Variants in RGS20 observed in about 807,000 individuals in gnomAD.
The protein encoded by RGS20 is gz-selective GTPase-activating protein.
A neutral mutation model predicts 33.6 loss-of-function variants in RGS20; 30 were observed. That is an observed-to-expected ratio of 0.89 (90% confidence interval 0.67 to 1.21). The LOEUF (loss-of-function observed/expected upper bound fraction) is 1.21. Among genes scored for constraint, RGS20 ranks in the 50% most tolerant of loss-of-function variants. RGS20 has a pLI of 0.00. For missense variants in RGS20, 472 were observed against 502.4 expected (o/e 0.94, Z 0.58); for synonymous variants, 208 against 197.9 (o/e 1.05, Z -0.43).
At chr8:53,856,426 C>T (rs1184482952) in intron 1 of RGS20, among the ~76,000 whole-genome samples, 1 of 152,090 alleles carries the variant, frequency 6.6e-6, no homozygotes, top group Non-Finnish European at 1.5e-5. Flanking sequence ...ACCATGTTGA[C>T]TGGGCTGGTC....
At chr8:53,853,043 C>T (rs886163406) in intron 1 of RGS20, among the ~76,000 whole-genome samples, 5 of 152,176 alleles carry the variant, frequency 3.3e-5, no homozygotes, top group African/African-American at 9.6e-5. Context: ...AATTCCCACA[C>T]CGCCTATTAT....
chr8:53,875,976 A>G (rs530809860), intron 1 of RGS20, among the ~76,000 whole-genome samples: 12 of 152,224 alleles, frequency 7.9e-5, no homozygotes, highest in Non-Finnish European at 1.3e-4. Context: ...CAATGCAGGG[A>G]AAGATTTGCC....
At chr8:53,872,027 T>G (rs1812084880) in intron 1 of RGS20, among the ~76,000 whole-genome samples, 2 of 152,172 alleles carry the variant, frequency 1.3e-5, no homozygotes, top group Non-Finnish European at 2.9e-5. Context: ...AAAATCTGTC[T>G]TTAGCAGGAT....
At chr8:53,855,577 G>A (rs965410199) in intron 1 of RGS20, among the ~76,000 whole-genome samples, 3 of 152,090 alleles carry the variant, frequency 2.0e-5, no homozygotes, top group Admixed American at 6.5e-5. Flanking sequence ...AACTATACAC[G>A]TGCACACACA....
chr8:53,919,433 C>G (rs1813584110), intron 2 of RGS20, among the ~76,000 whole-genome samples: 1 of 151,872 alleles, frequency 6.6e-6, no homozygotes, highest in African/African-American at 2.4e-5. Context: ...CCTCCGCCTC[C>G]CAGGTTCAAG....
At chr8:53,867,314 A>G (rs923021470) in intron 1 of RGS20, among the ~76,000 whole-genome samples, 1 of 152,176 alleles carries the variant, frequency 6.6e-6, no homozygotes, top group East Asian at 1.9e-4. Context: ...TTCTCATGCT[A>G]CATTTTTCAT....
chr8:53,934,501 A>C (rs1814071833), intron 2 of RGS20, among the ~76,000 whole-genome samples: 1 of 152,232 alleles, frequency 6.6e-6, no homozygotes, highest in Non-Finnish European at 1.5e-5. Context: ...TGATCAAAAA[A>C]GACAAAGAAG....
At chr8:53,958,186 CA>C in intron 5 of RGS20, 83 bp from the exon 5 acceptor site, 1 of 1,017,446 alleles carries the variant, frequency 9.8e-7, no homozygotes, top group Non-Finnish European at 1.4e-6. Flanking sequence ...AAAACAACAA[CA>C]AAAATCCCCA....
chr8:53,876,189 A>C (rs1472904224), intron 1 of RGS20: 3 of 152,210 alleles, frequency 2.0e-5, no homozygotes, highest in Non-Finnish European at 2.9e-5. Context: ...GAGTCTCAGA[A>C]ATTTTTGGTA....
intron 2 of RGS20, among the ~76,000 whole-genome samples, chr8:53,928,360 T>A (rs1441930318): frequency 6.6e-6 from 1 of 152,172 alleles, no homozygotes; most frequent in Non-Finnish European, 1.5e-5. Flanking sequence ...TAATTTAGAA[T>A]TTTTTTGTAC....
rs1216491813 is a variant in RGS20, at chr8:53,959,187, T to C, written c.*729T>C. The C allele has an allele frequency of 6.6e-6, 1 of 152,240 alleles. No homozygotes were observed. The highest frequency in any genetic ancestry group is 1.5e-5 in the Non-Finnish European group (1 of 68,036). 9.4% of individuals were successfully genotyped at this position (152,240 alleles called of 1,614,324 possible). On this transcript the variant is annotated 3_prime_UTR_variant, in exon 6 of 6. Transcript: ENST00000297313. Reference sequence around the variant, plus strand: ...CCTAAAGAATGAATTTTTAAATTCATAACTTGGTCATGTTCACAACAAAAC... The same window carrying C: ...CCTAAAGAATGAATTTTTAAATTCACAACTTGGTCATGTTCACAACAAAAC...
At chr8:53,864,536 C>T (rs1213051199) in intron 1 of RGS20, among the ~76,000 whole-genome samples, 2 of 152,036 alleles carry the variant, frequency 1.3e-5, no homozygotes, top group African/African-American at 4.8e-5. Context: ...CCGGGAACCC[C>T]TTGGAATCCT....
At chr8:53,916,991 G>A (rs1813507586) in intron 2 of RGS20, among the ~76,000 whole-genome samples, 1 of 152,050 alleles carries the variant, frequency 6.6e-6, no homozygotes, top group Non-Finnish European at 1.5e-5. Context: ...TCACTCCCTA[G>A]GGCCCCACTT....
At chr8:53,887,055 C>A in intron 2 of RGS20, 1 of 161,156 alleles carries the variant, frequency 6.2e-6, no homozygotes, top group South Asian at 1.6e-4. Context: ...CAACATTAGC[C>A]ACAATAATGC....
chr8:53,882,806 G>C (rs1361237833), intron 2 of RGS20, among the ~76,000 whole-genome samples: 1 of 152,138 alleles, frequency 6.6e-6, no homozygotes, highest in African/African-American at 2.4e-5. Flanking sequence ...GCACCTGCAC[G>C]CGGGCTCCTC....
intron 2 of RGS20, among the ~76,000 whole-genome samples, chr8:53,911,676 G>A (rs1420445409): frequency 6.6e-6 from 1 of 152,208 alleles, no homozygotes; most frequent in Admixed American, 6.5e-5. Context: ...CTCATTGCCT[G>A]TAATCCCAGC....
Position 53,959,005 on chromosome 8 carries a change from G to A in RGS20, c.*547G>A, listed in dbSNP as rs1028485084. 4 of 152,278 alleles carry A rather than the reference G, an allele frequency of 2.6e-5. No homozygotes were observed. The highest frequency in any genetic ancestry group is 9.6e-5 in the African/African-American group (4 of 41,454). The allele number at this position is 152,278 out of a possible 1,614,324, so 9.4% of individuals were successfully genotyped here. ...ACTTGATCTTACAGTATGTATGTAT[G>A]TATGTATGGAGACATATGTGTGCGT... On this transcript the variant is annotated 3_prime_UTR_variant, in exon 6 of 6. Coordinates refer to ENST00000297313, the MANE Select transcript of RGS20 (RefSeq NM_170587.4).
intron 2 of RGS20, among the ~76,000 whole-genome samples, chr8:53,880,596 C>G (rs1214590414): frequency 6.6e-6 from 1 of 152,222 alleles, no homozygotes; most frequent in Non-Finnish European, 1.5e-5. Flanking sequence ...GTCCAGCACA[C>G]TCTAGTCTCG....
chr8:53,878,201 C>G (rs1220114326), intron 1 of RGS20, among the ~76,000 whole-genome samples: 1 of 152,072 alleles, frequency 6.6e-6, no homozygotes, highest in East Asian at 1.9e-4. Context: ...TTGGATTGGC[C>G]GAGCTACATT....
Sources: allele counts gnomAD v4.1 joint callset (sites outside exome capture counted in the v4.1 genomes callset), GRCh38; gene constraint gnomAD v4.1.1; transcripts MANE v1.5; gene names NCBI Gene and HGNC (gene_info 2026-07-23, HGNC 2026-07-21).